The following LDLRAD4 variants were observed in gnomAD, a reference collection of about 807,000 sequenced individuals.
LDLRAD4 encodes the protein low density lipoprotein receptor class A domain containing 4, also known as low-density lipoprotein receptor class A domain-containing protein 4.
Under a neutral mutation model 17.0 loss-of-function variants are expected in LDLRAD4, and 5 were observed. The observed-to-expected ratio is 0.29, with a 90% CI of 0.15 to 0.62. The LOEUF (loss-of-function observed/expected upper bound fraction) is 0.62. Among genes scored for constraint, LDLRAD4 ranks in the 20% least tolerant of loss-of-function variants. The probability of loss-of-function intolerance (pLI) is 0.84; values close to 1 mark genes in which losing one functional copy is unlikely to be tolerated. For synonymous variants in LDLRAD4, 168 were observed against 171.8 expected (o/e 0.98, Z 0.17); for missense variants, 340 against 424.7 (o/e 0.80, Z 1.75).
chr18:13,332,714 C>G (rs1290013731), intron 1 of LDLRAD4, among the ~76,000 whole-genome samples: 1 of 149,970 alleles, frequency 6.7e-6, no homozygotes, highest in African/African-American at 2.5e-5. Flanking sequence ...TCTCCTATGC[C>G]TTTTTGTGGC....
At chr18:13,493,823 C>T (rs908193759) in intron 3 of LDLRAD4, among the ~76,000 whole-genome samples, 4 of 152,322 alleles carry the variant, frequency 2.6e-5, no homozygotes, top group East Asian at 1.9e-4. Context: ...CCAGCCGTGC[C>T]GTCCCTGCCT....
At chr18:13,366,489 G>C (rs2084065156) in intron 1 of LDLRAD4, among the ~76,000 whole-genome samples, 1 of 152,096 alleles carries the variant, frequency 6.6e-6, no homozygotes, top group African/African-American at 2.4e-5. Context: ...TTAAATACTG[G>C]ATCTTTTGAA....
At chr18:13,503,448 ACT>A (rs1267347711) in intron 3 of LDLRAD4, among the ~76,000 whole-genome samples, 1 of 147,980 alleles carries the variant, frequency 6.8e-6, no homozygotes, top group Non-Finnish European at 1.5e-5. Flanking sequence ...TACCCTAAAG[ACT>A]CTAAACGAGA....
At chr18:13,260,438 A>C (rs1294277563) in intron 1 of LDLRAD4, among the ~76,000 whole-genome samples, 1 of 152,204 alleles carries the variant, frequency 6.6e-6, no homozygotes, top group Non-Finnish European at 1.5e-5. Flanking sequence ...AATGCCTTAA[A>C]TGTATTAGGG....
At chr18:13,628,106 C>G (rs927255023) in intron 4 of LDLRAD4, among the ~76,000 whole-genome samples, 5 of 152,210 alleles carry the variant, frequency 3.3e-5, no homozygotes, top group African/African-American at 1.2e-4. Flanking sequence ...CCACACTGTT[C>G]ATTCCCACTG....
At chr18:13,254,685 G>A (rs780525089) in intron 1 of LDLRAD4, among the ~76,000 whole-genome samples, 9 of 152,238 alleles carry the variant, frequency 5.9e-5, no homozygotes, top group Non-Finnish European at 1.3e-4. Flanking sequence ...AGAACATACT[G>A]GGCGTGGTGG....
chr18:13,280,490 T>G (rs1443744202), intron 1 of LDLRAD4, among the ~76,000 whole-genome samples: 4 of 152,188 alleles, frequency 2.6e-5, no homozygotes, highest in Non-Finnish European at 1.5e-5. Flanking sequence ...TGGAGGAAAA[T>G]AGCAGAGGTC....
chr18:13,592,223 T>G (rs1340696316), intron 3 of LDLRAD4, among the ~76,000 whole-genome samples: 2 of 152,254 alleles, frequency 1.3e-5, no homozygotes, highest in East Asian at 3.8e-4. Context: ...TTTCAAACTT[T>G]TTAAACCCTG....
At chr18:13,428,755 G>A (rs55748182) in intron 2 of LDLRAD4, among the ~76,000 whole-genome samples, 55,287 of 151,884 alleles carry the variant, frequency 0.36, 12,088 homozygotes, top group Non-Finnish European at 0.49. Flanking sequence ...AAAGGAAGGG[G>A]TTATGGATGA....
chr18:13,358,287 T>G (rs1444502788), intron 1 of LDLRAD4, among the ~76,000 whole-genome samples: 2 of 146,376 alleles, frequency 1.4e-5, no homozygotes, highest in Non-Finnish European at 2.9e-5. Context: ...TGCATCTATT[T>G]ATCTATCTAT....
intron 2 of LDLRAD4, among the ~76,000 whole-genome samples, chr18:13,416,275 A>C (rs1449246976): frequency 6.6e-6 from 1 of 152,212 alleles, no homozygotes; most frequent in African/African-American, 2.4e-5. Flanking sequence ...TCTCCAGCCA[A>C]GTGTGGGGTA....
chr18:13,479,556 G>GGCTGCAGCAAGCTGAGATCGCACCATGGC, intron 3 of LDLRAD4, among the ~76,000 whole-genome samples: 1 of 152,114 alleles, frequency 6.6e-6, no homozygotes, highest in African/African-American at 2.4e-5. Flanking sequence ...GGGAGGCGGA[G>GGCTGCAGCAAGCTGAGATCGCACCATGGC]GCTGCAGCAA....
intron 4 of LDLRAD4, among the ~76,000 whole-genome samples, chr18:13,631,541 A>G (rs2041663258): frequency 1.3e-5 from 2 of 152,370 alleles, no homozygotes; most frequent in South Asian, 4.1e-4. Context: ...AAGACACAGC[A>G]GAAAAAGATA....
intron 2 of LDLRAD4, among the ~76,000 whole-genome samples, chr18:13,405,602 A>ATT (rs540287028): frequency 0.05 from 6,701 of 135,020 alleles, 208 homozygotes; most frequent in East Asian, 0.12. Context: ...GGCTAATTAA[A>ATT]TTTTTTTTTT....
At chr18:13,295,344 C>T (rs867837011) in intron 1 of LDLRAD4, among the ~76,000 whole-genome samples, 1 of 152,172 alleles carries the variant, frequency 6.6e-6, no homozygotes, top group African/African-American at 2.4e-5. Context: ...AGGGTTTCTT[C>T]TGTAGAAGCA....
At chr18:13,520,151 T>A (rs2147636461) in intron 3 of LDLRAD4, 1 of 152,292 alleles carries the variant, frequency 6.6e-6, no homozygotes. Flanking sequence ...GATTGGGCAA[T>A]GAAATGTTGC....
chr18:13,238,780 G>GT (rs749564901), intron 1 of LDLRAD4, among the ~76,000 whole-genome samples: 1 of 152,218 alleles, frequency 6.6e-6, no homozygotes, highest in Non-Finnish European at 1.5e-5. Context: ...GTGTGGAAAT[G>GT]TGATTTTATA....
At chr18:13,251,468 A>G (rs950486330) in intron 1 of LDLRAD4, among the ~76,000 whole-genome samples, 1 of 152,216 alleles carries the variant, frequency 6.6e-6, no homozygotes, top group African/African-American at 2.4e-5. Context: ...TTATATAGAG[A>G]AAAACCTGAA....
At chr18:13,357,495 T>G (rs1457295441) in intron 1 of LDLRAD4, among the ~76,000 whole-genome samples, 1 of 152,238 alleles carries the variant, frequency 6.6e-6, no homozygotes, top group African/African-American at 2.4e-5. Context: ...TTTTGCTGAC[T>G]GCAGACTTGT....
Sources: gnomAD v4.1 joint callset for allele counts (sites outside exome capture counted in the v4.1 genomes callset) on GRCh38, gnomAD v4.1.1 for gene constraint, MANE v1.5 for transcripts, NCBI Gene and HGNC (gene_info 2026-07-23, HGNC 2026-07-21) for gene names.